Variants in AKAP9 observed in about 807,000 individuals in gnomAD.
AKAP9 encodes the protein A-kinase anchoring protein 9.
A neutral mutation model predicts 488.5 loss-of-function variants in AKAP9; 311 were observed. That is an observed-to-expected ratio of 0.64 (90% CI 0.58 to 0.70). AKAP9 has a LOEUF of 0.70. Among genes scored for constraint, AKAP9 ranks in the 30% least tolerant of loss-of-function variants. AKAP9 has a pLI of 0.00. For synonymous variants in AKAP9, 1,462 were observed against 1,483.5 expected (o/e 0.99, Z 0.33); for missense variants, 4,215 against 4,374.5 (o/e 0.96, Z 1.03).
chr7:91,951,110 T>C (rs1792185930), intron 1 of AKAP9, among the ~76,000 whole-genome samples: 1 of 151,966 alleles, frequency 6.6e-6, no homozygotes, highest in Non-Finnish European at 1.5e-5. Context: ...GTTTTTTTTT[T>C]AGTTGAGAAG....
chr7:92,054,310 T>C (rs1808423895), intron 22 of AKAP9, among the ~76,000 whole-genome samples: 1 of 152,172 alleles, frequency 6.6e-6, no homozygotes, highest in Admixed American at 6.6e-5. Context: ...TGTGTCATTA[T>C]TTGGTTCTAC....
Position 92,082,577 on chromosome 7 carries a change from A to T in AKAP9, c.8075A>T (p.Glu2692Val). Residue 2692 changes from glutamate (E) to valine (V), a missense_variant, in exon 32 of 50, where the codon GAG (glutamate) becomes GTG (valine). Coordinates refer to ENST00000356239, the MANE Select transcript of AKAP9 (RefSeq NM_005751.5). ...NEESGFFNEL[E>V]ALRAESVATK... ...GAAAGTGGATTTTTTAATGAACTCG[A>T]GGCTCTTAGAGCTGAATCAGTGGCT... 2 of 1,613,974 alleles carry T rather than the reference A, an allele frequency of 1.2e-6. No individual in the cohort carries two copies. The highest frequency in any genetic ancestry group is 1.7e-6 in the Non-Finnish European group (2 of 1,179,898).
chr7:91,956,161 G>A (rs1243879187), intron 1 of AKAP9, among the ~76,000 whole-genome samples: 1 of 151,900 alleles, frequency 6.6e-6, no homozygotes, highest in Non-Finnish European at 1.5e-5. Flanking sequence ...GGCACTTTGG[G>A]AGGCTGAGGC....
chr7:91,991,901 CT>C (rs779551997), intron 3 of AKAP9, among the ~76,000 whole-genome samples: 19 of 152,160 alleles, frequency 1.2e-4, no homozygotes, highest in Admixed American at 1.2e-3. Context: ...GCACTTAGAA[CT>C]TTAATTCACT....
At chr7:92,011,132 T>C (rs1800692308) in intron 8 of AKAP9, among the ~76,000 whole-genome samples, 1 of 152,188 alleles carries the variant, frequency 6.6e-6, no homozygotes, top group South Asian at 2.1e-4. Flanking sequence ...TTCCCATTAA[T>C]ATCAAGTATA....
chr7:92,092,456 T>G (rs1417160303), intron 38 of AKAP9: 1 of 152,226 alleles, frequency 6.6e-6, no homozygotes, highest in Non-Finnish European at 1.5e-5. Flanking sequence ...TTGGAATTTT[T>G]TAATGTACAT....
Position 92,079,079 on chromosome 7 carries a change from G to A in AKAP9, c.6946G>A (p.Val2316Ile). The A allele has an allele frequency of 6.3e-7, 1 of 1,587,532 alleles. No homozygotes were observed. Among genetic ancestry groups the A allele is most frequent in the Admixed American group, 1.7e-5 (1 of 58,638 alleles). Residue 2316 changes from valine (V) to isoleucine (I), a missense_variant and splice_region_variant, in exon 31 of 50, where the codon GTT (valine) becomes ATT (isoleucine). Transcript: ENST00000356239. ...QQLKITTDNK[V>I]IEEKNELIRD... Reference sequence around the variant, plus strand: ...TGTTACCTTTTTCATTAATTATTAGGTTATTGAAGAAAAAAATGAACTGAT... The same window carrying A: ...TGTTACCTTTTTCATTAATTATTAGATTATTGAAGAAAAAAATGAACTGAT...
At chr7:91,957,652 A>G (rs1366302547) in intron 1 of AKAP9, among the ~76,000 whole-genome samples, 2 of 152,166 alleles carry the variant, frequency 1.3e-5, no homozygotes, top group African/African-American at 2.4e-5. Flanking sequence ...AGCTTTATAT[A>G]TATTATCCTC....
intron 46 of AKAP9, 54 bp from the exon 47 acceptor site, chr7:92,105,624 T>G: frequency 8.0e-7 from 1 of 1,244,928 alleles, no homozygotes; most frequent in Non-Finnish European, 1.2e-6. Flanking sequence ...TTGTAGGAAA[T>G]GTATATACTG....
intron 22 of AKAP9, among the ~76,000 whole-genome samples, chr7:92,055,379 G>C (rs115043972): frequency 2.0e-5 from 3 of 152,022 alleles, no homozygotes; most frequent in Non-Finnish European, 4.4e-5. Context: ...TCTAGGCTCC[G>C]TCAGGGTAAT....
At chr7:92,010,414 A>G (rs1453065574) in intron 8 of AKAP9, among the ~76,000 whole-genome samples, 1 of 152,248 alleles carries the variant, frequency 6.6e-6, no homozygotes, top group East Asian at 1.9e-4. Context: ...CATTAAATCT[A>G]TGCTGAATAA....
intron 21 of AKAP9, among the ~76,000 whole-genome samples, chr7:92,046,438 G>T (rs1307194733): frequency 1.3e-5 from 2 of 152,180 alleles, no homozygotes; most frequent in African/African-American, 2.4e-5. Context: ...TTTATGGAAG[G>T]TTTGCCTAAT....
At chr7:92,035,274 C>T (rs1169821432) in intron 16 of AKAP9, among the ~76,000 whole-genome samples, 2 of 152,142 alleles carry the variant, frequency 1.3e-5, no homozygotes, top group East Asian at 3.8e-4. Context: ...GATAGCTTCC[C>T]ATGGTTAACT....
At chr7:92,015,996 A>C in intron 10 of AKAP9, 133 bp from the exon 11 acceptor site, 1 of 663,156 alleles carries the variant, frequency 1.5e-6, no homozygotes, top group Non-Finnish European at 2.6e-6. Flanking sequence ...TGATAAGGGT[A>C]TGGAGAGAAT....
At chr7:92,025,008 A>G (rs754575896) in intron 14 of AKAP9, among the ~76,000 whole-genome samples, 3 of 152,208 alleles carry the variant, frequency 2.0e-5, no homozygotes, top group Non-Finnish European at 2.9e-5. Context: ...TTAATTACTT[A>G]CAATGAAAGA....
rs181231038 is a variant in AKAP9, at chr7:92,096,581, C to G, written c.9730-108C>G. On this transcript the variant is annotated intron_variant, in intron 40 of 49. Coordinates refer to ENST00000356239, the MANE Select transcript of AKAP9 (RefSeq NM_005751.5). Reference sequence around the variant, plus strand: ...TGAACTCTTGACCTCAGGTGATCTGCCCGCCTCGGCCTCCCAAAGTGCTGG... The same window carrying G: ...TGAACTCTTGACCTCAGGTGATCTGGCCGCCTCGGCCTCCCAAAGTGCTGG... 374 of 1,255,028 alleles carry G rather than the reference C, an allele frequency of 3.0e-4. 2 individuals carry two copies. In the African/African-American group the frequency reaches 4.9e-3, roughly 16 times the overall value. 77.7% of individuals were successfully genotyped at this position (1,255,028 alleles called of 1,614,324 possible).
chr7:91,947,361 G>A (rs796468376), intron 1 of AKAP9, among the ~76,000 whole-genome samples: 32 of 151,126 alleles, frequency 2.1e-4, no homozygotes, highest in Middle Eastern at 3.2e-3. Context: ...TTTTCCCCCC[G>A]AGATGGAGTC....
rs554999915 is a variant in AKAP9 at position 92,085,814 on chromosome 7, TGA to T, written c.9024+129_9024+130del. 91 of 752,984 alleles carry T rather than the reference TGA, an allele frequency of 1.2e-4. No homozygotes were observed. The African/African-American group carries it at 1.3e-3, about 11-fold the overall frequency. The allele number at this position is 752,984 out of a possible 1,614,324, so 46.6% of individuals were successfully genotyped here. A position where few individuals can be genotyped will look rare whatever the true frequency, so the allele number is the denominator to read the frequency against. The stretch of plus-strand genomic sequence containing the variant: ...AACTATATATATATATTTTCACACT[TGA>T]AACTCAGCCAGAAGCAGTGCCTCAT... On this transcript the variant is annotated intron_variant, in intron 36 of 49. Coordinates refer to ENST00000356239, the MANE Select transcript of AKAP9 (RefSeq NM_005751.5).
rs142431066 is a variant in AKAP9 at position 92,093,629 on chromosome 7, T to C, written c.9578+313T>C. Among the ~76,000 whole-genome samples the C allele has an allele frequency of 2.0e-4, 31 of 152,226 alleles. No individual in the cohort carries two copies. In the East Asian group the frequency reaches 5.6e-3, roughly 27 times the overall value. ...TTTATGAACGCAGTAGAATTCATGATTGAGTGAGCTAAAATATGCAAAATA... is the reference window on the plus strand; with the variant it reads ...TTTATGAACGCAGTAGAATTCATGACTGAGTGAGCTAAAATATGCAAAATA... On this transcript the variant is annotated intron_variant, in intron 39 of 49. Coordinates refer to ENST00000356239, the MANE Select transcript of AKAP9 (RefSeq NM_005751.5).
Sources: allele counts gnomAD v4.1 joint callset (sites outside exome capture counted in the v4.1 genomes callset), GRCh38; gene constraint gnomAD v4.1.1; transcripts MANE v1.5; gene names NCBI Gene and HGNC (gene_info 2026-07-23, HGNC 2026-07-21).